FBXO21: variants seen among roughly 807,000 people sequenced by gnomAD.
The protein encoded by FBXO21 is F-box protein 21, also known as F-box only protein 21.
FBXO21 carries 32 observed loss-of-function variants against 76.6 expected under a neutral mutation model. The observed-to-expected ratio is 0.42, with a 90% confidence interval of 0.32 to 0.56. The LOEUF (loss-of-function observed/expected upper bound fraction) is 0.56, where lower values mean the gene tolerates loss of function less well. FBXO21 is among the 20% of genes least tolerant of loss of function. The pLI, the probability that FBXO21 is intolerant of heterozygous loss-of-function variation, is 0.16. For synonymous variants in FBXO21, 328 were observed against 311.5 expected, an observed-to-expected ratio of 1.05 and a Z score of -0.56; for missense variants, 586 against 797.3, an observed-to-expected ratio of 0.73 and a Z score of 3.19.
Position 117,155,944 on chromosome 12 carries a change from C to T in FBXO21, c.1522G>A (p.Gly508Ser). 1 of 1,614,126 alleles carries T rather than the reference C, an allele frequency of 6.2e-7. No individual in the cohort carries two copies. The highest frequency in any genetic ancestry group is 8.5e-7 in the Non-Finnish European group (1 of 1,179,972). ...IGLIMKHKRY[G>S]YNCVIYGWDP... ...CAGCCGTAGATCACACAGTTATAGC[C>T]ATACCTAGTTAACACAGGAGGAGCA... Residue 508 changes from glycine (G) to serine (S), a missense_variant, in exon 11 of 12, where the codon GGC becomes AGC. By Grantham distance (56) the Gly-to-Ser change is moderately conservative. Coordinates refer to ENST00000622495, the MANE Select transcript of FBXO21 (RefSeq NM_015002.3).
rs917447434 is a variant in FBXO21 at position 117,144,063 on chromosome 12, A to G, written c.*2024T>C. 1.3e-5 allele frequency: 2 copies of G among 152,668 alleles called. No individual in the cohort carries two copies. The highest frequency in any genetic ancestry group is 4.8e-5 in the African/African-American group (2 of 41,466). 9.5% of individuals were successfully genotyped at this position (152,668 alleles called of 1,614,324 possible). A position where few individuals can be genotyped will look rare whatever the true frequency, so the allele number is the denominator to read the frequency against. Reference sequence around the variant, plus strand: ...ATACAGGCTTCCTGGAGCCCCATGAAGCATTCATGAAGAAAGACATTTAAA... The same window carrying G: ...ATACAGGCTTCCTGGAGCCCCATGAGGCATTCATGAAGAAAGACATTTAAA... On this transcript the variant is annotated 3_prime_UTR_variant, in exon 12 of 12. Coordinates refer to ENST00000622495, the MANE Select transcript of FBXO21 (RefSeq NM_015002.3).
intron 3 of FBXO21, among the ~76,000 whole-genome samples, chr12:117,179,710 C>G (rs186597424): frequency 1.2e-3 from 190 of 152,290 alleles, no homozygotes; most frequent in Middle Eastern, 6.8e-3. Flanking sequence ...GTGATGTCAG[C>G]AGCACTGCTA....
At chr12:117,179,014 T>A (rs987719642) in intron 3 of FBXO21, among the ~76,000 whole-genome samples, 11 of 152,134 alleles carry the variant, frequency 7.2e-5, no homozygotes, top group Non-Finnish European at 1.6e-4. Context: ...TCACCACATA[T>A]CCCAAATACA....
intron 11 of FBXO21, among the ~76,000 whole-genome samples, chr12:117,154,560 A>AT (rs1440208918): frequency 6.6e-6 from 1 of 151,990 alleles, no homozygotes. Flanking sequence ...TAATTTTTAA[A>AT]TTTTTTTGTA....
chr12:117,167,619 T>TA (rs1274757872), intron 7 of FBXO21, among the ~76,000 whole-genome samples: 1 of 151,944 alleles, frequency 6.6e-6, no homozygotes, highest in Non-Finnish European at 1.5e-5. Context: ...CACGCACCTG[T>TA]AGTCCCAGCT....
chr12:117,168,089 G>A (rs1054617330), intron 7 of FBXO21, among the ~76,000 whole-genome samples: 6 of 152,178 alleles, frequency 3.9e-5, no homozygotes, highest in African/African-American at 1.4e-4. Context: ...AGGTGGCTCT[G>A]TTTCAGGGAT....
rs969125966 is a variant in FBXO21, at chr12:117,143,097, G to A, written c.*2990C>T. 6 of 152,180 alleles carry A rather than the reference G, an allele frequency of 3.9e-5. No individual in the cohort carries two copies. The highest frequency in any genetic ancestry group is 3.2e-3 in the Middle Eastern group (1 of 316). 9.4% of individuals were successfully genotyped at this position (152,180 alleles called of 1,614,324 possible). On this transcript the variant is annotated 3_prime_UTR_variant, in exon 12 of 12. Coordinates refer to ENST00000622495, the MANE Select transcript of FBXO21 (RefSeq NM_015002.3). ...GGTGGATAATGTTTGCAAACATGACGCCTGGCAAAACCGGTCTGATTCTAA... is the reference window on the plus strand; with the variant it reads ...GGTGGATAATGTTTGCAAACATGACACCTGGCAAAACCGGTCTGATTCTAA...
Position 117,145,400 on chromosome 12 carries a change from G to T in FBXO21, c.*687C>A, listed in dbSNP as rs1437766889. On this transcript the variant is annotated 3_prime_UTR_variant, in exon 12 of 12. Coordinates refer to ENST00000622495, the MANE Select transcript of FBXO21 (RefSeq NM_015002.3). ...GAAAACTAATGATTTATAGAGATGT[G>T]CATAAACTCAAGAGAGGAATATGGA... 3 of 151,732 alleles carry T rather than the reference G, an allele frequency of 2.0e-5. No homozygotes were observed. The highest frequency in any genetic ancestry group is 4.4e-5 in the Non-Finnish European group (3 of 67,960). The allele number at this position is 151,732 out of a possible 1,614,324, so 9.4% of individuals were successfully genotyped here. A position where few individuals can be genotyped will look rare whatever the true frequency, so the allele number is the denominator to read the frequency against.
intron 11 of FBXO21, among the ~76,000 whole-genome samples, chr12:117,152,475 A>T (rs1429813904): frequency 6.6e-6 from 1 of 152,004 alleles, no homozygotes; most frequent in East Asian, 1.9e-4. Context: ...AAAAAAAAAA[A>T]AATTTACAAG....
At chr12:117,157,751 C>A in intron 10 of FBXO21, 122 bp downstream of exon 10, 1 of 780,046 alleles carries the variant, frequency 1.3e-6, no homozygotes, top group Non-Finnish European at 1.9e-6. Context: ...GGTGCGCACT[C>A]GGGGGATAAG....
At position 117,177,505 on chromosome 12, in the gene FBXO21, T is replaced by C. The variant is rs1302005341; in HGVS notation, c.592+15A>G. 3 of 1,609,664 alleles carry C rather than the reference T, an allele frequency of 1.9e-6. No homozygotes were observed. The highest frequency in any genetic ancestry group is 1.3e-5 in the African/African-American group (1 of 74,830). The stretch of plus-strand genomic sequence containing the variant: ...ACAGAAATACTACTGTCCACATATA[T>C]GGGAAAAGACCCACCTTCAAGATAC... On this transcript the variant is annotated intron_variant, in intron 4 of 11. Coordinates refer to ENST00000622495, the MANE Select transcript of FBXO21 (RefSeq NM_015002.3).
chr12:117,162,832 C>A (rs551719087), intron 9 of FBXO21, among the ~76,000 whole-genome samples: 11 of 152,216 alleles, frequency 7.2e-5, no homozygotes, highest in African/African-American at 2.7e-4. Flanking sequence ...CATCTGCAGG[C>A]GCCACACCCT....
chr12:117,182,481 CCT>C lies in FBXO21; in HGVS notation c.470+3994_470+3995del, dbSNP rs1956243861. ...TCCAGCCTGGGCAACAGGATGAAAC[CCT>C]GTCTCAAAAAAACAAACAGGGCTGG... On this transcript the variant is annotated intron_variant, in intron 3 of 11. Transcript: ENST00000622495. 2.0e-5 allele frequency among the ~76,000 whole-genome samples: 3 copies of C among 151,552 alleles called. No individual in the cohort carries two copies. The South Asian group carries it at 6.3e-4, about 32-fold the overall frequency.
intron 4 of FBXO21, among the ~76,000 whole-genome samples, chr12:117,177,224 G>A (rs768007361): frequency 6.6e-6 from 1 of 152,092 alleles, no homozygotes; most frequent in Non-Finnish European, 1.5e-5. Flanking sequence ...ATTAAAGCTC[G>A]GAAAAACAGG....
chr12:117,158,010 C>T lies in FBXO21; in HGVS notation c.1380G>A (p.Ala460=), dbSNP rs777080276. 8 of 1,614,218 alleles carry T rather than the reference C, an allele frequency of 5.0e-6. No homozygotes were observed. The highest frequency in any genetic ancestry group is 2.2e-5 in the East Asian group (1 of 44,892). Residue 460 remains alanine (A), a synonymous_variant, in exon 10 of 12, where the codon GCG becomes GCA. Coordinates refer to ENST00000622495, the MANE Select transcript of FBXO21 (RefSeq NM_015002.3). ...GAGTGTGCTGCACCAGGTAGCCCAC[C>T]GCCCCGTGCTGCCCCGGGTCTAGGG... ...IQTLDPGQHG[A]VGYLVQHTLE...
In FBXO21 at chr12:117,172,463, A is replaced by C; in HGVS notation, c.1013+8T>G. 1 of 1,610,946 alleles carries C rather than the reference A, an allele frequency of 6.2e-7. No individual in the cohort carries two copies. The highest frequency in any genetic ancestry group is 8.5e-7 in the Non-Finnish European group (1 of 1,177,952). ...CAGGACCACAGATAATGTGTCACGG[A>C]TGCTCACCCTTCTGCGCCTTGGCAC... On this transcript the variant is annotated splice_region_variant and intron_variant, in intron 7 of 11. Coordinates refer to ENST00000622495, the MANE Select transcript of FBXO21 (RefSeq NM_015002.3).
At chr12:117,180,269 C>G (rs1467807841) in intron 3 of FBXO21, among the ~76,000 whole-genome samples, 1 of 152,220 alleles carries the variant, frequency 6.6e-6, no homozygotes, top group Non-Finnish European at 1.5e-5. Context: ...CAGGGAAGAT[C>G]AATTCCACTA....
chr12:117,187,303 C>G (rs1956293380), intron 2 of FBXO21, among the ~76,000 whole-genome samples: 1 of 151,386 alleles, frequency 6.6e-6, no homozygotes, highest in East Asian at 1.9e-4. Context: ...GCCAGTAATC[C>G]CAGCTACTCG....
rs1314097162 is a variant in FBXO21 at position 117,145,924 on chromosome 12, G to C, written c.*163C>G. The C allele has an allele frequency of 1.9e-6, 1 of 519,276 alleles. No homozygotes were observed. The highest frequency in any genetic ancestry group is 3.4e-6 in the Non-Finnish European group (1 of 297,730). 32.2% of individuals were successfully genotyped at this position (519,276 alleles called of 1,614,324 possible). A position where few individuals can be genotyped will look rare whatever the true frequency, so the allele number is the denominator to read the frequency against. On this transcript the variant is annotated 3_prime_UTR_variant, in exon 12 of 12. Coordinates refer to ENST00000622495, the MANE Select transcript of FBXO21 (RefSeq NM_015002.3). ...CAACATTGTCTTTGCAGCTGGGGAA[G>C]AGCACACGGTATTTAAACTTAGTAG...
Sources: gnomAD v4.1 joint callset for allele counts (sites outside exome capture counted in the v4.1 genomes callset) on GRCh38, gnomAD v4.1.1 for gene constraint, MANE v1.5 for transcripts, NCBI Gene and HGNC (gene_info 2026-07-23, HGNC 2026-07-21) for gene names.